The following HYCC1 variants were observed in gnomAD, a reference collection of about 807,000 sequenced individuals.
HYCC1 encodes hyccin PI4KA lipid kinase complex subunit 1.
the HYCC1 span, among the ~76,000 whole-genome samples, chr7:22,955,446 T>C: frequency 1.3e-5 from 2 of 151,562 alleles, no homozygotes; most frequent in Non-Finnish European, 3.0e-5. Context: ...TGGGCAGCAA[T>C]AAAAAAATCG....
At chr7:22,982,820 C>G in the HYCC1 span, among the ~76,000 whole-genome samples, 1 of 148,892 alleles carries the variant, frequency 6.7e-6, no homozygotes, top group African/African-American at 2.4e-5. Context: ...TGAGGCCCAC[C>G]ATGGTTATGT....
the HYCC1 span, among the ~76,000 whole-genome samples, chr7:22,903,919 T>G: frequency 1.3e-5 from 2 of 152,182 alleles, no homozygotes; most frequent in Admixed American, 6.5e-5. Context: ...TTCACAATTT[T>G]TATTATGAAA....
chr7:22,980,423 T>C, the HYCC1 span, among the ~76,000 whole-genome samples: 1 of 152,066 alleles, frequency 6.6e-6, no homozygotes, highest in Non-Finnish European at 1.5e-5. Context: ...CATCTCTCCA[T>C]TGTAAAATAA....
At chr7:22,896,638 T>A in the HYCC1 span, among the ~76,000 whole-genome samples, 1 of 152,160 alleles carries the variant, frequency 6.6e-6, no homozygotes, top group Non-Finnish European at 1.5e-5. Flanking sequence ...CAAAAAAAAA[T>A]GTTCCATTGA....
At chr7:22,918,969 C>T in the HYCC1 span, among the ~76,000 whole-genome samples, 2 of 152,222 alleles carry the variant, frequency 1.3e-5, no homozygotes, top group African/African-American at 4.8e-5. Flanking sequence ...AGCCAAGTCA[C>T]AAAAACACAC....
the HYCC1 span, chr7:22,946,151 A>G: frequency 1.2e-6 from 2 of 1,612,202 alleles, no homozygotes; most frequent in South Asian, 2.2e-5. Flanking sequence ...TTGACCTGTT[A>G]ATTCTGTATT....
the HYCC1 span, among the ~76,000 whole-genome samples, chr7:22,933,902 T>C: frequency 2.2e-4 from 34 of 152,204 alleles, 1 homozygote; most frequent in Non-Finnish European, 1.5e-5. Context: ...TTAGATATGA[T>C]ACATTTTATA....
At chr7:22,945,930 G>T in the HYCC1 span, 1 of 1,613,892 alleles carries the variant, frequency 6.2e-7, no homozygotes, top group South Asian at 1.1e-5. Flanking sequence ...CTCTGAGTTT[G>T]TTTTCGAGCA....
At chr7:22,937,317 A>G in the HYCC1 span, 1 of 152,210 alleles carries the variant, frequency 6.6e-6, no homozygotes, top group African/African-American at 2.4e-5. Context: ...AAGTGAGACA[A>G]GGAGCAAGAA....
chr7:23,012,584 TG>T, the HYCC1 span, among the ~76,000 whole-genome samples: 1 of 152,232 alleles, frequency 6.6e-6, no homozygotes, highest in Admixed American at 6.5e-5. Flanking sequence ...AAGCCACTAT[TG>T]GCCAAGCAGA....
At chr7:22,909,338 C>A in the HYCC1 span, among the ~76,000 whole-genome samples, 2 of 152,296 alleles carry the variant, frequency 1.3e-5, no homozygotes, top group South Asian at 2.1e-4. Flanking sequence ...TGCCTTCCAC[C>A]ATGACTGGAA....
the HYCC1 span, among the ~76,000 whole-genome samples, chr7:22,947,925 A>G: frequency 3.0e-4 from 45 of 152,120 alleles, 1 homozygote; most frequent in Admixed American, 3.0e-3. Flanking sequence ...ATTTATTCAG[A>G]CTCATACCAA....
chr7:22,948,440 T>C, the HYCC1 span, among the ~76,000 whole-genome samples: 1 of 152,082 alleles, frequency 6.6e-6, no homozygotes, highest in East Asian at 1.9e-4. Flanking sequence ...TAAAAACTAC[T>C]GATGCCTGGC....
the HYCC1 span, among the ~76,000 whole-genome samples, chr7:22,906,372 G>A: frequency 6.6e-6 from 1 of 152,120 alleles, no homozygotes; most frequent in Non-Finnish European, 1.5e-5. Context: ...GAGCTCAGGA[G>A]TTCGAGACCA....
chr7:23,001,201 G>A, the HYCC1 span, among the ~76,000 whole-genome samples: 4 of 152,074 alleles, frequency 2.6e-5, no homozygotes, highest in Non-Finnish European at 4.4e-5. Context: ...TATGCTAAGC[G>A]ATTTATTGGA....
the HYCC1 span, among the ~76,000 whole-genome samples, chr7:22,907,445 G>T: frequency 6.6e-6 from 1 of 152,174 alleles, no homozygotes. Context: ...TAGGAGATCT[G>T]TTAGGAGAGT....
the HYCC1 span, chr7:22,946,178 G>A: frequency 1.2e-6 from 2 of 1,601,612 alleles, no homozygotes; most frequent in Admixed American, 3.4e-5. Context: ...ACAAAGAAAT[G>A]ACAAAGATTA....
At chr7:22,946,016 T>C in the HYCC1 span, 2 of 1,613,822 alleles carry the variant, frequency 1.2e-6, no homozygotes, top group South Asian at 1.1e-5. Context: ...CCGTCTGTGG[T>C]TCTTTCCTAT....
At chr7:22,964,581 G>T in the HYCC1 span, 1 of 1,054,506 alleles carries the variant, frequency 9.5e-7, no homozygotes, top group South Asian at 1.3e-5. Flanking sequence ...AATTTTAGGT[G>T]ATTTATTTTA....
Sources: allele counts gnomAD v4.1 joint callset (sites outside exome capture counted in the v4.1 genomes callset), GRCh38; gene constraint gnomAD v4.1.1; transcripts MANE v1.5; gene names NCBI Gene and HGNC (gene_info 2026-07-23, HGNC 2026-07-21).